The following MAML3 variants were observed in gnomAD, a reference collection of about 807,000 sequenced individuals.
MAML3 encodes the protein mastermind-like protein 3.
Under a neutral mutation model 101.9 loss-of-function variants are expected in MAML3, and 27 were observed. The ratio of observed to expected loss-of-function variants is 0.27; its 90% CI spans 0.20 to 0.37. The LOEUF (loss-of-function observed/expected upper bound fraction) is 0.37. MAML3 is among the 10% of genes least tolerant of loss of function. The pLI is 1.00. For synonymous variants in MAML3, 501 were observed against 555.9 expected, an observed-to-expected ratio of 0.90 and a Z score of 1.39; for missense variants, 1,316 against 1,444.9, an observed-to-expected ratio of 0.91 and a Z score of 1.45.
intron 1 of MAML3, among the ~76,000 whole-genome samples, chr4:139,958,687 T>C (rs1201552390): frequency 6.6e-6 from 1 of 152,204 alleles, no homozygotes; most frequent in African/African-American, 2.4e-5. Flanking sequence ...ATGCCTATCT[T>C]CACGTTCAGG....
intron 3 of MAML3, 111 bp from the exon 4 acceptor site, chr4:139,725,946 G>A (rs1026308016): frequency 2.3e-6 from 2 of 863,526 alleles, no homozygotes; most frequent in African/African-American, 3.3e-5. Context: ...ACTAAACTTT[G>A]TGTTGAAGAA....
intron 1 of MAML3, among the ~76,000 whole-genome samples, chr4:139,978,465 A>T (rs1472560461): frequency 6.6e-6 from 1 of 152,132 alleles, no homozygotes; most frequent in African/African-American, 2.4e-5. Context: ...CTGAAAGGAA[A>T]GTCCTGCAAA....
At chr4:139,801,643 GGTGTGTGTGT>G (rs755484864) in intron 2 of MAML3, among the ~76,000 whole-genome samples, 1 of 30,744 alleles carries the variant, frequency 3.3e-5, no homozygotes, top group African/African-American at 8.7e-5. Flanking sequence ...GGTGTGTGTG[GGTGTGTGTGT>G]GTGTGTGTGT....
chr4:139,962,031 G>A (rs1295303119), intron 1 of MAML3, among the ~76,000 whole-genome samples: 2 of 152,260 alleles, frequency 1.3e-5, no homozygotes, highest in East Asian at 3.9e-4. Context: ...GCTCAGGTGG[G>A]AGGATTGCTT....
Position 139,941,527 on chromosome 4 carries a change from T to C in MAML3, c.469-50560A>G, listed in dbSNP as rs1406323554. ...ATACCAAGTTAATAACCCTAATGTG[T>C]TGTTGTTGTTGTTGTTGGTGGTGGT... On this transcript the variant is annotated intron_variant, in intron 1 of 4. Transcript: ENST00000509479. 2.3e-4 allele frequency among the ~76,000 whole-genome samples: 16 copies of C among 68,816 alleles called. No homozygotes were observed. In the South Asian group the frequency reaches 4.5e-3, roughly 19 times the overall value. 45.1% of individuals were successfully genotyped at this position (68,816 alleles called of 152,430 possible).
intron 2 of MAML3, among the ~76,000 whole-genome samples, chr4:139,764,219 C>T (rs931243815): frequency 1.1e-4 from 16 of 152,222 alleles, no homozygotes; most frequent in African/African-American, 1.4e-4. Flanking sequence ...ATCCTGCTGA[C>T]GAGCAAACCT....
intron 1 of MAML3, among the ~76,000 whole-genome samples, chr4:139,918,972 A>G (rs994723045): frequency 2.6e-5 from 4 of 152,184 alleles, no homozygotes; most frequent in African/African-American, 9.7e-5. Flanking sequence ...TAGAGAAAAA[A>G]CATCTTTTTC....
At chr4:139,816,748 A>C (rs540443482) in intron 2 of MAML3, among the ~76,000 whole-genome samples, 1 of 152,154 alleles carries the variant, frequency 6.6e-6, no homozygotes, top group South Asian at 2.1e-4. Flanking sequence ...CATCTGTTAA[A>C]ATACCTAACC....
chr4:140,125,644 G>C (rs146225595), intron 1 of MAML3, among the ~76,000 whole-genome samples: 58 of 152,262 alleles, frequency 3.8e-4, no homozygotes, highest in Non-Finnish European at 7.4e-4. Context: ...TTTGTAGAGA[G>C]ACAGGGTCTC....
At chr4:139,847,901 T>C (rs1731477727) in intron 2 of MAML3, among the ~76,000 whole-genome samples, 1 of 152,160 alleles carries the variant, frequency 6.6e-6, no homozygotes, top group South Asian at 2.1e-4. Flanking sequence ...GGCTATTTTG[T>C]TTGTTTATTT....
chr4:139,889,229 G>A (rs1367606372), intron 2 of MAML3, 128 bp downstream of exon 2: 1 of 1,553,926 alleles, frequency 6.4e-7, no homozygotes, highest in African/African-American at 1.4e-5. Flanking sequence ...CACTACCTGA[G>A]GATGTGTAAA....
chr4:140,104,329 G>A (rs1178561285), intron 1 of MAML3, among the ~76,000 whole-genome samples: 5 of 68,678 alleles, frequency 7.3e-5, no homozygotes, highest in East Asian at 4.5e-4. Context: ...AGGCTGCAGT[G>A]AGCCCTGTCT....
rs1177054645 is a variant in MAML3, at chr4:139,994,807, G to GTA, written c.469-103842_469-103841dup. 5.9e-5 allele frequency among the ~76,000 whole-genome samples: 9 copies of GTA among 152,004 alleles called. No homozygotes were observed. In the East Asian group the frequency reaches 1.7e-3, roughly 29 times the overall value. On this transcript the variant is annotated intron_variant, in intron 1 of 4. Transcript: ENST00000509479. ...GGGGGGTGTGTGTGTGTGTGTGTGT[G>GTA]TATGTGTATTCCTTAAAATTTTATA...
chr4:139,801,233 A>T (rs113531916), intron 2 of MAML3, among the ~76,000 whole-genome samples: 9 of 152,380 alleles, frequency 5.9e-5, no homozygotes, highest in African/African-American at 2.2e-4. Flanking sequence ...GCTGCCAGAT[A>T]AAATATAGAA....
chr4:139,888,499 G>GA (rs1174612119), intron 2 of MAML3: 3 of 518,376 alleles, frequency 5.8e-6, no homozygotes, highest in Non-Finnish European at 1.2e-5. Flanking sequence ...CTTCAGGGTA[G>GA]AACAAATGTT....
At chr4:140,041,487 G>A (rs1727085400) in intron 1 of MAML3, among the ~76,000 whole-genome samples, 1 of 152,154 alleles carries the variant, frequency 6.6e-6, no homozygotes, top group Non-Finnish European at 1.5e-5. Context: ...AGCTGGGCTT[G>A]GTGGTGCACA....
chr4:139,926,787 G>A (rs1335386605), intron 1 of MAML3, among the ~76,000 whole-genome samples: 2 of 152,076 alleles, frequency 1.3e-5, no homozygotes, highest in Admixed American at 6.5e-5. Flanking sequence ...CATAACCATA[G>A]CATAATTATC....
At chr4:139,987,295 A>C (rs987836299) in intron 1 of MAML3, among the ~76,000 whole-genome samples, 2 of 152,216 alleles carry the variant, frequency 1.3e-5, no homozygotes, top group African/African-American at 4.8e-5. Flanking sequence ...TTTTGAAAGC[A>C]AACAGCCTCA....
Position 139,887,947 on chromosome 4 carries a change from C to T in MAML3, c.2079+1410G>A, listed in dbSNP as rs547377040. ...AACTAAGATAATATATAGAAGTTCA[C>T]ATTTCAATGATATTTTTCTAGTAGC... On this transcript the variant is annotated intron_variant, in intron 2 of 4. Transcript: ENST00000509479. Among the ~76,000 whole-genome samples the T allele has an allele frequency of 1.3e-4, 20 of 152,302 alleles. No homozygotes were observed. The South Asian group carries it at 3.9e-3, about 30-fold the overall frequency.
Sources: gnomAD v4.1 joint callset for allele counts (sites outside exome capture counted in the v4.1 genomes callset) on GRCh38, gnomAD v4.1.1 for gene constraint, MANE v1.5 for transcripts, NCBI Gene and HGNC (gene_info 2026-07-23, HGNC 2026-07-21) for gene names.